Variants in NKAIN2 observed in about 807,000 individuals in gnomAD.
The protein encoded by NKAIN2 is sodium/potassium-transporting ATPase subunit beta-1-interacting protein 2.
In NKAIN2, 14 loss-of-function variants were observed where a neutral mutation model predicts 32.6. The observed-to-expected ratio is 0.43, with a 90% CI of 0.28 to 0.67. The LOEUF (loss-of-function observed/expected upper bound fraction) is 0.67. NKAIN2 is among the 30% of genes least tolerant of loss of function. The pLI is 0.17. For synonymous variants in NKAIN2, 80 were observed against 87.2 expected, an observed-to-expected ratio of 0.92 and a Z score of 0.46; for missense variants, 198 against 258.3, an observed-to-expected ratio of 0.77 and a Z score of 1.60.
chr6:124,708,654 T>C (rs1309321943), intron 4 of NKAIN2, among the ~76,000 whole-genome samples: 1 of 151,872 alleles, frequency 6.6e-6, no homozygotes, highest in African/African-American at 2.4e-5. Flanking sequence ...GTTGTTGGTG[T>C]ATAAGAATGC....
At chr6:124,372,813 A>G (rs1799822613) in intron 3 of NKAIN2, among the ~76,000 whole-genome samples, 2 of 136,138 alleles carry the variant, frequency 1.5e-5, no homozygotes, top group African/African-American at 2.8e-5. Context: ...TGAAAAGAAA[A>G]TAATAGATAT....
At chr6:124,039,680 T>A (rs1480137491) in intron 1 of NKAIN2, among the ~76,000 whole-genome samples, 3 of 151,926 alleles carry the variant, frequency 2.0e-5, no homozygotes, top group Non-Finnish European at 4.4e-5. Context: ...TTTTTATATA[T>A]TAATTATAAA....
At chr6:124,668,625 T>C (rs1429874495) in intron 4 of NKAIN2, among the ~76,000 whole-genome samples, 1 of 152,120 alleles carries the variant, frequency 6.6e-6, no homozygotes, top group African/African-American at 2.4e-5. Context: ...TAATGCCATG[T>C]TTAGGTTGAT....
intron 1 of NKAIN2, among the ~76,000 whole-genome samples, chr6:124,229,960 G>A (rs566804496): frequency 6.6e-6 from 1 of 152,248 alleles, no homozygotes; most frequent in African/African-American, 2.4e-5. Flanking sequence ...CAAAAATGTG[G>A]AAGCAACTGT....
chr6:124,331,960 C>A (rs1797678678), intron 2 of NKAIN2, among the ~76,000 whole-genome samples: 1 of 152,082 alleles, frequency 6.6e-6, no homozygotes, highest in Admixed American at 6.6e-5. Context: ...AACTTTTCAG[C>A]ATTGAATCAT....
intron 4 of NKAIN2, among the ~76,000 whole-genome samples, chr6:124,768,458 G>C (rs1052362173): frequency 3.9e-5 from 6 of 152,080 alleles, no homozygotes; most frequent in African/African-American, 1.4e-4. Context: ...AGCACTCACT[G>C]GCCATTCTGT....
intron 1 of NKAIN2, among the ~76,000 whole-genome samples, chr6:124,173,590 A>G (rs911381796): frequency 1.3e-5 from 2 of 152,122 alleles, no homozygotes; most frequent in Non-Finnish European, 2.9e-5. Context: ...TGGTGGTATT[A>G]TATCTTGCTA....
At chr6:124,044,489 G>A (rs1166131666) in intron 1 of NKAIN2, among the ~76,000 whole-genome samples, 1 of 152,004 alleles carries the variant, frequency 6.6e-6, no homozygotes, top group African/African-American at 2.4e-5. Context: ...ACTGAGATAT[G>A]GACATTTCTT....
chr6:124,396,751 G>A (rs1773401063), intron 3 of NKAIN2, among the ~76,000 whole-genome samples: 1 of 152,128 alleles, frequency 6.6e-6, no homozygotes, highest in Non-Finnish European at 1.5e-5. Flanking sequence ...AGAGTGGGAG[G>A]TGTATGAGGC....
At chr6:124,334,518 T>G (rs6569381) in intron 2 of NKAIN2, among the ~76,000 whole-genome samples, 125,348 of 151,806 alleles carry the variant, frequency 0.83, 51,872 homozygotes, top group Admixed American at 0.87. Flanking sequence ...GGTCAGGCTG[T>G]AGCTGTCATT....
chr6:124,778,964 A>T (rs9491234), intron 4 of NKAIN2, among the ~76,000 whole-genome samples: 26,918 of 151,986 alleles, frequency 0.18, 3,112 homozygotes, highest in African/African-American at 0.32. Flanking sequence ...CTCAAAGTGC[A>T]TTCATAGTTA....
intron 3 of NKAIN2, among the ~76,000 whole-genome samples, chr6:124,526,375 C>T (rs905708230): frequency 6.6e-6 from 1 of 152,102 alleles, no homozygotes; most frequent in African/African-American, 2.4e-5. Flanking sequence ...TTAAATATAT[C>T]TTACAGGTTA....
At chr6:124,441,544 C>T (rs1309104305) in intron 3 of NKAIN2, among the ~76,000 whole-genome samples, 1 of 152,032 alleles carries the variant, frequency 6.6e-6, no homozygotes, top group Non-Finnish European at 1.5e-5. Context: ...CACCACTATG[C>T]TCTGAAAAGG....
rs894674428 is a variant in NKAIN2, at chr6:123,953,968, G to A, written c.54+149714G>A. Among the ~76,000 whole-genome samples the A allele has an allele frequency of 2.0e-5, 3 of 152,212 alleles. No homozygotes were observed. The East Asian group carries it at 5.8e-4, about 29-fold the overall frequency. ...CCACTGCAGCAGCAACTACAGGTGT[G>A]GGAGTTTGCACTTAAAGTGCTTGAA... On this transcript the variant is annotated intron_variant, in intron 1 of 6. Coordinates refer to ENST00000368417, the MANE Select transcript of NKAIN2 (RefSeq NM_001040214.3).
intron 1 of NKAIN2, among the ~76,000 whole-genome samples, chr6:123,844,905 T>A (rs763357406): frequency 1.3e-5 from 2 of 152,232 alleles, no homozygotes; most frequent in Non-Finnish European, 2.9e-5. Context: ...TATGCAGGCC[T>A]ATGGCTAAAT....
intron 4 of NKAIN2, among the ~76,000 whole-genome samples, chr6:124,696,363 T>A (rs564808273): frequency 9.9e-5 from 15 of 152,192 alleles, no homozygotes; most frequent in African/African-American, 2.9e-4. Flanking sequence ...AAGTACTCAG[T>A]ATGCCTAAGT....
Position 124,140,482 on chromosome 6 carries a change from C to G in NKAIN2, c.55-142523C>G, listed in dbSNP as rs1787079446. Among the ~76,000 whole-genome samples the G allele has an allele frequency of 5.3e-5, 8 of 152,216 alleles. No individual in the cohort carries two copies. The South Asian group carries it at 1.7e-3, about 32-fold the overall frequency. On this transcript the variant is annotated intron_variant, in intron 1 of 6. Transcript: ENST00000368417. ...GAGCTCAGTTACATATGTTACCTTC[C>G]TTTCTAAGAATAATTGAAAATACGT...
At chr6:124,593,898 A>G (rs1781995622) in intron 3 of NKAIN2, among the ~76,000 whole-genome samples, 1 of 152,138 alleles carries the variant, frequency 6.6e-6, no homozygotes, top group Non-Finnish European at 1.5e-5. Context: ...GTAAATTTGG[A>G]TACTATTCTA....
chr6:124,812,081 C>G (rs138473460), intron 5 of NKAIN2, among the ~76,000 whole-genome samples: 2 of 152,082 alleles, frequency 1.3e-5, no homozygotes, highest in Admixed American at 1.3e-4. Context: ...AATGAATGAC[C>G]GTCTCACTGG....
Sources: gnomAD v4.1 joint callset for allele counts (sites outside exome capture counted in the v4.1 genomes callset) on GRCh38, gnomAD v4.1.1 for gene constraint, MANE v1.5 for transcripts, NCBI Gene and HGNC (gene_info 2026-07-23, HGNC 2026-07-21) for gene names.